The following VPS8 variants were observed in gnomAD, a reference collection of about 807,000 sequenced individuals.
VPS8 encodes VPS8 subunit of CORVET complex.
VPS8 carries 129 observed loss-of-function variants against 216.4 expected under a neutral mutation model. That is an observed-to-expected ratio of 0.60 (90% CI 0.52 to 0.69). The LOEUF is 0.69. VPS8 is among the 30% of genes least tolerant of loss of function. The probability of loss-of-function intolerance (pLI) is 0.00; values close to 1 mark genes in which losing one functional copy is unlikely to be tolerated. For synonymous variants in VPS8, 571 were observed against 565.4 expected, an observed-to-expected ratio of 1.01 and a Z score of -0.14; for missense variants, 1,531 against 1,683.5, an observed-to-expected ratio of 0.91 and a Z score of 1.59.
chr3:184,831,402 T>A (rs1719949142), intron 3 of VPS8, among the ~76,000 whole-genome samples: 1 of 152,132 alleles, frequency 6.6e-6, no homozygotes, highest in South Asian at 2.1e-4. Context: ...ATCAGCAAGG[T>A]CGGTAGGAGC....
At chr3:185,021,026 C>T (rs1481603811) in intron 45 of VPS8, among the ~76,000 whole-genome samples, 4 of 152,048 alleles carry the variant, frequency 2.6e-5, no homozygotes, top group Non-Finnish European at 5.9e-5. Flanking sequence ...GAGCTGAGAT[C>T]GTGCCATTGC....
chr3:185,048,656 A>G, intron 47 of VPS8, 97 bp downstream of exon 47: 1 of 1,374,346 alleles, frequency 7.3e-7, no homozygotes, highest in Non-Finnish European at 1.0e-6. Context: ...GCCTCCTTCT[A>G]GCCTGGAAGG....
intron 8 of VPS8, among the ~76,000 whole-genome samples, chr3:184,845,709 C>T (rs568442128): frequency 5.5e-5 from 8 of 146,296 alleles, no homozygotes; most frequent in African/African-American, 1.3e-4. Flanking sequence ...GAGCCCAGAT[C>T]GTGCCATTGC....
intron 21 of VPS8, among the ~76,000 whole-genome samples, chr3:184,878,999 T>A (rs1446240089): frequency 6.6e-6 from 1 of 152,216 alleles, no homozygotes; most frequent in African/African-American, 2.4e-5. Context: ...GTTTTCCTTA[T>A]CTGATAGTCT....
At chr3:184,870,676 GATAT>G (rs763481141) in intron 20 of VPS8, 36 bp from the exon 21 acceptor site, 3 of 1,469,348 alleles carry the variant, frequency 2.0e-6, no homozygotes, top group African/African-American at 2.8e-5. Context: ...AAACTTTAGA[GATAT>G]ATTTTAATGT....
chr3:185,036,064 A>G (rs917270076), intron 46 of VPS8, among the ~76,000 whole-genome samples: 1 of 152,160 alleles, frequency 6.6e-6, no homozygotes, highest in African/African-American at 2.4e-5. Context: ...GTTAACCAAG[A>G]TATCTTCTAC....
chr3:185,030,849 G>GA (rs1332451297), intron 46 of VPS8, among the ~76,000 whole-genome samples: 2 of 152,030 alleles, frequency 1.3e-5, no homozygotes, highest in Non-Finnish European at 2.9e-5. Context: ...TGCAGCCTCA[G>GA]ACTCCTGGGC....
At chr3:184,884,049 A>C (rs745881421) in intron 21 of VPS8, among the ~76,000 whole-genome samples, 2 of 152,030 alleles carry the variant, frequency 1.3e-5, no homozygotes, top group Non-Finnish European at 2.9e-5. Flanking sequence ...GCTTCTTTCA[A>C]GTATCTGAGG....
chr3:184,832,124 C>T (rs79020445), intron 3 of VPS8, among the ~76,000 whole-genome samples: 4,849 of 152,240 alleles, frequency 0.032, 91 homozygotes, highest in Non-Finnish European at 0.046. Flanking sequence ...TGGGTACCAG[C>T]TTATCTTTCT....
At position 184,928,473 on chromosome 3, in the gene VPS8, C is replaced by G. The variant is rs992310331; in HGVS notation, c.2654C>G (p.Ala885Gly). 1 of 1,533,300 alleles carries G rather than the reference C, an allele frequency of 6.5e-7. No individual in the cohort carries two copies. The highest frequency in any genetic ancestry group is 8.7e-7 in the Non-Finnish European group (1 of 1,152,550). The allele number at this position is 1,533,300 out of a possible 1,614,324, so 95.0% of individuals were successfully genotyped here. ...RQQVLLELLQ[A>G]GGIVQFEESR... The stretch of plus-strand genomic sequence containing the variant: ...CAGGTCCTTTTAGAATTGCTGCAGG[C>G]TGGAGGCATAGTTCAATTTGAAGAG... Residue 885 changes from alanine to glycine, a missense_variant, in exon 32 of 48, where the codon GCT (alanine) becomes GGT (glycine). By Grantham distance (60) the Ala-to-Gly change is moderately conservative (BLOSUM62 0). This residue lies in a region of VPS8 where 1,318 missense variants were observed against 1,468.4 expected (regional missense o/e 0.90). Coordinates refer to ENST00000625842, the MANE Select transcript of VPS8 (RefSeq NM_001009921.3).
chr3:184,899,838 G>GA (rs1361555139), intron 24 of VPS8, among the ~76,000 whole-genome samples: 2 of 152,128 alleles, frequency 1.3e-5, no homozygotes, highest in African/African-American at 4.8e-5. Flanking sequence ...CGTTGCTTTT[G>GA]AAATGTTTGT....
At chr3:184,982,244 C>G (rs1283862608) in intron 40 of VPS8, among the ~76,000 whole-genome samples, 1 of 152,062 alleles carries the variant, frequency 6.6e-6, no homozygotes, top group Non-Finnish European at 1.5e-5. Flanking sequence ...AAGCTCTTTC[C>G]TGGCTTCTTT....
rs971289050 is a variant in VPS8, at chr3:185,050,576, C to T, written c.4138-1300C>T. On this transcript the variant is annotated intron_variant, in intron 47 of 47. Transcript: ENST00000625842. ...GGCACCTCGAAGACATGGTGCCTGG[C>T]GGGTGAATCCCACACCGCCACTCAC... Among the ~76,000 whole-genome samples, 3 of 152,160 alleles carry T rather than the reference C, an allele frequency of 2.0e-5. No homozygotes were observed. The South Asian group carries it at 6.2e-4, about 31-fold the overall frequency.
intron 36 of VPS8, among the ~76,000 whole-genome samples, chr3:184,953,358 A>G (rs902599810): frequency 2.0e-5 from 3 of 152,188 alleles, no homozygotes; most frequent in African/African-American, 7.2e-5. Flanking sequence ...AAAAGGTGGG[A>G]TATCTTGAAG....
chr3:185,019,533 G>A (rs1327346346), intron 45 of VPS8, among the ~76,000 whole-genome samples: 1 of 152,148 alleles, frequency 6.6e-6, no homozygotes, highest in East Asian at 1.9e-4. Context: ...TAAAGGGATG[G>A]GCCGAAATAA....
chr3:184,820,018 G>A (rs995189155), intron 1 of VPS8, among the ~76,000 whole-genome samples: 21 of 152,112 alleles, frequency 1.4e-4, no homozygotes, highest in Non-Finnish European at 1.0e-4. Flanking sequence ...AGGAGGGGTT[G>A]GTCTCACTGT....
chr3:184,896,267 A>T (rs185435397), intron 23 of VPS8, among the ~76,000 whole-genome samples: 17 of 152,184 alleles, frequency 1.1e-4, no homozygotes, highest in Admixed American at 1.0e-3. Flanking sequence ...AGTTTTGCCT[A>T]CCTATCACAT....
chr3:184,982,432 A>G (rs1323021277), intron 40 of VPS8, 134 bp from the exon 41 acceptor site: 4 of 571,876 alleles, frequency 7.0e-6, no homozygotes, highest in Non-Finnish European at 9.0e-6. Flanking sequence ...TATTTTTTCT[A>G]ATGTTTACCA....
chr3:185,040,537 C>T (rs1481071172), intron 46 of VPS8, among the ~76,000 whole-genome samples: 1 of 152,096 alleles, frequency 6.6e-6, no homozygotes, highest in African/African-American at 2.4e-5. Context: ...ATCCACAATC[C>T]ATTTCCTCTA....
Sources: gnomAD v4.1 joint callset for allele counts (sites outside exome capture counted in the v4.1 genomes callset) on GRCh38, gnomAD v4.1.1 for gene constraint, gnomAD v4.1.1 regional missense constraint, MANE v1.5 for transcripts, NCBI Gene and HGNC (gene_info 2026-07-23, HGNC 2026-07-21) for gene names.